Variants in LRRC66 observed in about 807,000 individuals in gnomAD.
LRRC66 encodes leucine-rich repeat-containing protein 66.
A neutral mutation model predicts 24.6 loss-of-function variants in LRRC66; 29 were observed. That is an observed-to-expected ratio of 1.18 (90% CI 0.88 to 1.61). The LOEUF is 1.61. Among genes scored for constraint, LRRC66 ranks in the 40% most tolerant of loss-of-function variants. The probability of loss-of-function intolerance (pLI) is 0.00; values close to 1 mark genes in which losing one functional copy is unlikely to be tolerated. For synonymous variants in LRRC66, 411 were observed against 397.6 expected (o/e 1.03, Z -0.40); for missense variants, 1,124 against 1,058.0 (o/e 1.06, Z -0.87).
In LRRC66 at chr4:51,994,643, G is replaced by A. The variant is rs1209169772; in HGVS notation, c.2379C>T (p.Ala793=). The change falls in exon 5 of 5, where the codon GCC becomes GCT. Residue 793 remains alanine, a synonymous_variant. Coordinates refer to ENST00000682860, the MANE Select transcript of LRRC66 (RefSeq NM_001024611.3). ...SGMYKTHLEN[A]SDTDRSEGLS... ...GGCCCTCAGATCTATCAGTGTCAGA[G>A]GCATTTTCCAGATGAGTCTTGTACA... is the stretch of plus-strand genomic sequence containing the variant. 1.7e-5 allele frequency: 28 copies of A among 1,614,158 alleles called. 1 individual carries two copies. Among genetic ancestry groups the A allele is most frequent in the Non-Finnish European group, 2.4e-5 (28 of 1,180,020 alleles).
chr4:51,995,444 G>A lies in LRRC66; in HGVS notation c.1578C>T (p.Asp526=), dbSNP rs778622387. ...GNRELMSAAQ[D]HIHRNDILGE... ...CGAGAATATCATTCCTATGGATGTG[G>A]TCCTGCGCTGCTGACATTAGTTCAC... is the stretch of plus-strand genomic sequence containing the variant. Residue 526 remains aspartate, a synonymous_variant, in exon 5 of 5, where the codon GAC becomes GAT. Coordinates refer to ENST00000682860, the MANE Select transcript of LRRC66 (RefSeq NM_001024611.3). 2.0e-5 allele frequency: 32 copies of A among 1,614,028 alleles called. No individual in the cohort carries two copies. Among genetic ancestry groups the A allele is most frequent in the East Asian group, 8.9e-5 (4 of 44,870 alleles).
intron 2 of LRRC66, among the ~76,000 whole-genome samples, chr4:52,010,754 C>T (rs909564715): frequency 1.3e-5 from 2 of 152,094 alleles, no homozygotes; most frequent in Admixed American, 1.3e-4. Flanking sequence ...GTGATTGGTG[C>T]TGTGATGAAC....
In LRRC66 at chr4:51,995,807, C is replaced by T. The variant is rs370321981; in HGVS notation, c.1215G>A (p.Trp405Ter). Reference protein sequence around the residue: ...AFTRPYVDRLWQKKCQSKSPG... With the variant: ...AFTRPYVDRL ...GGCTTTTGCTCTGGCACTTTTTTTGCCACAGTCTGTCAACATAAGGCCTTG... is the reference window on the plus strand; with the variant it reads ...GGCTTTTGCTCTGGCACTTTTTTTGTCACAGTCTGTCAACATAAGGCCTTG... Residue 405 changes from tryptophan to a stop codon, truncating the protein, a stop_gained, in exon 5 of 5, where the codon TGG becomes TGA. Coordinates refer to ENST00000682860, the MANE Select transcript of LRRC66 (RefSeq NM_001024611.3). LOFTEE classifies it low-confidence loss of function (END_TRUNC). 5.7e-5 allele frequency: 92 copies of T among 1,614,082 alleles called. 1 individual carries two copies. The African/African-American group carries it at 9.3e-4, about 16-fold the overall frequency.
chr4:52,013,301 G>A (rs1736739136), intron 2 of LRRC66, among the ~76,000 whole-genome samples: 1 of 151,960 alleles, frequency 6.6e-6, no homozygotes, highest in Non-Finnish European at 1.5e-5. Flanking sequence ...AGTTTCAAAT[G>A]TTAGGTATTA....
In LRRC66 at chr4:51,995,078, C is replaced by T; in HGVS notation, c.1944G>A (p.Ala648=). The change falls in exon 5 of 5, where the codon GCG becomes GCA. Residue 648 remains alanine (A), a synonymous_variant. Coordinates refer to ENST00000682860, the MANE Select transcript of LRRC66 (RefSeq NM_001024611.3). ...PRLSGARAEE[A]LSAHYSEVPY... ...GAACCTCGCTGTAGTGGGCTGAAAG[C>T]GCTTCCTCAGCCCTTGCCCCGGACA... is the stretch of plus-strand genomic sequence containing the variant. 1 of 1,614,182 alleles carries T rather than the reference C, an allele frequency of 6.2e-7. No homozygotes were observed. The highest frequency in any genetic ancestry group is 1.1e-5 in the South Asian group (1 of 91,084).
rs1290678651 is a variant in LRRC66 at position 52,003,333 on chromosome 4, T to C, written c.556A>G (p.Ile186Val). Residue 186 changes from isoleucine (I) to valine (V), a missense_variant, in exon 3 of 5, where the codon ATA (isoleucine) becomes GTA (valine). Transcript: ENST00000682860. ...LDLSFNGILQ[I>V]GWSDFHNCLQ... ...CAGTTGTGAAAATCAGACCACCCTA[T>C]TTGCAATATCCCATTGAATGACAGA... The C allele has an allele frequency of 6.2e-7, 1 of 1,613,914 alleles. No homozygotes were observed. The highest frequency in any genetic ancestry group is 8.5e-7 in the Non-Finnish European group (1 of 1,179,882).
intron 4 of LRRC66, among the ~76,000 whole-genome samples, chr4:51,996,786 T>C (rs1736332247): frequency 6.6e-6 from 1 of 152,218 alleles, no homozygotes; most frequent in Admixed American, 6.5e-5. Context: ...GCTTCCTGCC[T>C]CACTGCTGCC....
chr4:52,004,254 C>A (rs531229373), intron 2 of LRRC66, among the ~76,000 whole-genome samples: 2 of 152,094 alleles, frequency 1.3e-5, no homozygotes, highest in Non-Finnish European at 2.9e-5. Context: ...AGTGATCCAC[C>A]GCCTTGGCCT....
intron 2 of LRRC66, among the ~76,000 whole-genome samples, chr4:52,015,722 C>T (rs1736793917): frequency 1.3e-5 from 2 of 152,014 alleles, no homozygotes; most frequent in African/African-American, 2.4e-5. Flanking sequence ...GCTATAATGA[C>T]GTCCATCAAA....
chr4:52,014,071 T>C (rs1736757870), intron 2 of LRRC66, among the ~76,000 whole-genome samples: 1 of 152,110 alleles, frequency 6.6e-6, no homozygotes, highest in African/African-American at 2.4e-5. Flanking sequence ...CTGACCAACA[T>C]GGAGGAGCCC....
chr4:51,995,694 C>G lies in LRRC66; in HGVS notation c.1328G>C (p.Arg443Pro), dbSNP rs755573156. 9.9e-6 allele frequency: 16 copies of G among 1,613,978 alleles called. No individual in the cohort carries two copies. The highest frequency in any genetic ancestry group is 1.2e-5 in the Non-Finnish European group (14 of 1,180,034). Residue 443 changes from arginine to proline, a missense_variant, in exon 5 of 5, where the codon CGC becomes CCC. Arg to Pro is a moderately radical substitution (Grantham distance 103). Coordinates refer to ENST00000682860, the MANE Select transcript of LRRC66 (RefSeq NM_001024611.3). ...GHTPHPETHL[R>P]QVFPHLSLYE... Reference sequence around the variant, plus strand: ...GAGGCTTAGATGAGGAAATACTTGGCGCAGATGGGTCTCTGGGTGTGGTGT... The same window carrying G: ...GAGGCTTAGATGAGGAAATACTTGGGGCAGATGGGTCTCTGGGTGTGGTGT...
rs924569196 is a variant in LRRC66, at chr4:51,994,462, G to T, written c.2560C>A (p.Gln854Lys). ...ACTTCAGCAGAACATGGTGGTGTTTGCTGTAAAACGTCCACATTTGAAAAT... is the reference window on the plus strand; with the variant it reads ...ACTTCAGCAGAACATGGTGGTGTTTTCTGTAAAACGTCCACATTTGAAAAT... Reference protein sequence around the residue: ...LEFSNVDVLQQTPPCSAEVPS... With the variant: ...LEFSNVDVLQKTPPCSAEVPS... The change falls in exon 5 of 5, where the codon CAA becomes AAA. Residue 854 changes from glutamine (Q) to lysine (K), a missense_variant. By Grantham distance (53) the Gln-to-Lys change is moderately conservative. Coordinates refer to ENST00000682860, the MANE Select transcript of LRRC66 (RefSeq NM_001024611.3). The T allele has an allele frequency of 1.9e-6, 3 of 1,614,094 alleles. No homozygotes were observed. The African/African-American group carries it at 4.0e-5, about 22-fold the overall frequency.
In LRRC66 at chr4:51,995,450, C is replaced by T. The variant is rs758076730; in HGVS notation, c.1572G>A (p.Ala524=). The change falls in exon 5 of 5, where the codon GCG becomes GCA. Residue 524 remains alanine (A), a synonymous_variant. Coordinates refer to ENST00000682860, the MANE Select transcript of LRRC66 (RefSeq NM_001024611.3). ...TATCATTCCTATGGATGTGGTCCTG[C>T]GCTGCTGACATTAGTTCACGGTTAC... ...HAGNRELMSA[A]QDHIHRNDIL... is the part of the protein sequence containing the mutation. 6.2e-7 allele frequency: 1 copy of T among 1,614,120 alleles called. No homozygotes were observed. Among genetic ancestry groups the T allele is most frequent in the South Asian group, 1.1e-5 (1 of 91,076 alleles).
intron 2 of LRRC66, among the ~76,000 whole-genome samples, chr4:52,011,341 T>C (rs1280321529): frequency 6.6e-6 from 1 of 152,222 alleles, no homozygotes; most frequent in African/African-American, 2.4e-5. Context: ...TAGTTGAGTA[T>C]CTTATATACT....
At chr4:52,005,834 C>T (rs541406401) in intron 2 of LRRC66, among the ~76,000 whole-genome samples, 4 of 152,306 alleles carry the variant, frequency 2.6e-5, no homozygotes, top group African/African-American at 9.6e-5. Context: ...GCACTACAGC[C>T]AGGAGGCATC....
intron 1 of LRRC66, chr4:52,018,005 T>C (rs1736859106): frequency 5.1e-6 from 5 of 985,452 alleles, no homozygotes; most frequent in Middle Eastern, 5.2e-4. Context: ...AAGTCTATTA[T>C]GCTTATCTAC....
rs1304784357 is a variant in LRRC66 at position 51,995,857 on chromosome 4, C to G, written c.1165G>C (p.Val389Leu). Residue 389 changes from valine (V) to leucine (L), a missense_variant, in exon 5 of 5, where the codon GTC becomes CTC. By Grantham distance (32) the Val-to-Leu change is conservative (BLOSUM62 1). Coordinates refer to ENST00000682860, the MANE Select transcript of LRRC66 (RefSeq NM_001024611.3). ...GTGAAAGCCCCCAGGCTGAAGGCGA[C>G]AAGGAATGTGATGAACACTGACAGG... ...VCLSVFITFLVAFSLGAFTRP... is the reference protein window; with the variant it reads ...VCLSVFITFLLAFSLGAFTRP... 1.9e-6 allele frequency: 3 copies of G among 1,614,118 alleles called. No homozygotes were observed. The highest frequency in any genetic ancestry group is 1.7e-6 in the Non-Finnish European group (2 of 1,180,036).
At chr4:51,998,623 G>A (rs1736377088) in intron 3 of LRRC66, among the ~76,000 whole-genome samples, 3 of 152,140 alleles carry the variant, frequency 2.0e-5, no homozygotes, top group Admixed American at 6.5e-5. Context: ...TTCAGTACAT[G>A]CAGTATGACT....
At chr4:51,999,024 G>A (rs752577973) in intron 3 of LRRC66, among the ~76,000 whole-genome samples, 1 of 152,182 alleles carries the variant, frequency 6.6e-6, no homozygotes, top group Non-Finnish European at 1.5e-5. Context: ...TCACAGCTGT[G>A]TGCCTTCCAA....
Sources: allele counts gnomAD v4.1 joint callset (sites outside exome capture counted in the v4.1 genomes callset), GRCh38; gene constraint gnomAD v4.1.1; transcripts MANE v1.5; gene names NCBI Gene and HGNC (gene_info 2026-07-23, HGNC 2026-07-21).